PDZD2: variants seen among roughly 807,000 people sequenced by gnomAD.
The protein encoded by PDZD2 is PDZ domain-containing protein 2.
Under a neutral mutation model 220.7 loss-of-function variants are expected in PDZD2, and 90 were observed. The ratio of observed to expected loss-of-function variants is 0.41; its 90% CI spans 0.34 to 0.49. The LOEUF (loss-of-function observed/expected upper bound fraction) is 0.49. Ranked by LOEUF, PDZD2 falls within the 20% of genes least tolerant of loss-of-function variation. The pLI, the probability that PDZD2 is intolerant of heterozygous loss-of-function variation, is 0.28. For missense variants in PDZD2, 3,174 were observed against 3,608.5 expected, an observed-to-expected ratio of 0.88 and a Z score of 3.08; for synonymous variants, 1,375 against 1,450.5, an observed-to-expected ratio of 0.95 and a Z score of 1.18.
At position 31,765,089 on chromosome 5, in the gene PDZD2, A is replaced by G. The variant is rs978245823; in HGVS notation, c.-360-33800A>G. 1.8e-4 allele frequency among the ~76,000 whole-genome samples: 27 copies of G among 152,198 alleles called. No individual in the cohort carries two copies. The East Asian group carries it at 4.4e-3, about 25-fold the overall frequency. On this transcript the variant is annotated intron_variant, in intron 1 of 24. Coordinates refer to ENST00000438447, the MANE Select transcript of PDZD2 (RefSeq NM_178140.4). ...AAGACTGCGTCTCAAGAAAAAAAAA[A>G]AAAGAATTACCCAAAGGAAGAGGAC...
chr5:31,718,628 T>A (rs1489740018), intron 1 of PDZD2, among the ~76,000 whole-genome samples: 2 of 151,920 alleles, frequency 1.3e-5, no homozygotes, highest in Non-Finnish European at 2.9e-5. Context: ...TCTCTCTCTG[T>A]GTCCTAATCT....
chr5:31,810,561 A>G (rs561056161), intron 2 of PDZD2, among the ~76,000 whole-genome samples: 9 of 152,200 alleles, frequency 5.9e-5, no homozygotes, highest in East Asian at 3.9e-4. Flanking sequence ...CACCACGACC[A>G]GCCGCCTCCA....
In PDZD2 at chr5:32,101,250, A is replaced by G. The variant is rs1270355876; in HGVS notation, c.8353+11A>G. On this transcript the variant is annotated intron_variant, in intron 24 of 24. Transcript: ENST00000438447. ...AAAGAGTGTACAAAGGTAATGTTCT[A>G]GACAACTCAGTCAGCCTTCTCTCAC... The G allele has an allele frequency of 3.2e-6, 5 of 1,578,950 alleles. No individual in the cohort carries two copies. In the African/African-American group the frequency reaches 5.4e-5, roughly 17 times the overall value.
chr5:31,736,465 C>A (rs1415929224), intron 1 of PDZD2, among the ~76,000 whole-genome samples: 4 of 152,162 alleles, frequency 2.6e-5, no homozygotes, highest in African/African-American at 9.7e-5. Context: ...CTTCTTGACC[C>A]ATTTGCCCAC....
rs566679133 is a variant in PDZD2, at chr5:31,934,701, C to T, written c.477-48454C>T. ...TAGAAGCAATTTCAAAAATGTCTCA[C>T]TGTGACTGGAACTAGGTTATGTCAA... On this transcript the variant is annotated intron_variant, in intron 2 of 24. Coordinates refer to ENST00000438447, the MANE Select transcript of PDZD2 (RefSeq NM_178140.4). Among the ~76,000 whole-genome samples, 8 of 150,272 alleles carry T rather than the reference C, an allele frequency of 5.3e-5. No homozygotes were observed. In the East Asian group the frequency reaches 1.6e-3, roughly 30 times the overall value.
At chr5:31,956,606 A>T (rs539303948) in intron 2 of PDZD2, among the ~76,000 whole-genome samples, 2 of 149,674 alleles carry the variant, frequency 1.3e-5, no homozygotes, top group African/African-American at 4.9e-5. Flanking sequence ...TAAAAATACA[A>T]AAATTAGCCG....
intron 1 of PDZD2, among the ~76,000 whole-genome samples, chr5:31,694,180 C>G (rs1430451484): frequency 6.6e-6 from 1 of 152,052 alleles, no homozygotes; most frequent in Admixed American, 6.6e-5. Flanking sequence ...CACTTGAGGC[C>G]AGGAGTTCCA....
At chr5:31,856,052 A>G (rs2150305372) in intron 2 of PDZD2, among the ~76,000 whole-genome samples, 1 of 152,370 alleles carries the variant, frequency 6.6e-6, no homozygotes, top group African/African-American at 2.4e-5. Flanking sequence ...ATAAGGGGAT[A>G]TAATAAACTC....
At chr5:31,927,187 G>A (rs1220617449) in intron 2 of PDZD2, among the ~76,000 whole-genome samples, 2 of 151,908 alleles carry the variant, frequency 1.3e-5, no homozygotes, top group Non-Finnish European at 2.9e-5. Flanking sequence ...GTAACCAACC[G>A]GCATATATAC....
At chr5:31,825,546 A>G (rs1756157384) in intron 2 of PDZD2, among the ~76,000 whole-genome samples, 1 of 152,222 alleles carries the variant, frequency 6.6e-6, no homozygotes, top group South Asian at 2.1e-4. Flanking sequence ...ACAGTCGGTC[A>G]TGTTCTAATA....
intron 2 of PDZD2, among the ~76,000 whole-genome samples, chr5:31,900,063 G>A (rs1210836423): frequency 2.0e-5 from 3 of 152,206 alleles, no homozygotes; most frequent in Non-Finnish European, 2.9e-5. Flanking sequence ...ATATAGAGGC[G>A]CTGACATAAT....
chr5:31,803,859 G>T (rs1325060307), intron 2 of PDZD2, among the ~76,000 whole-genome samples: 6 of 151,924 alleles, frequency 3.9e-5, no homozygotes, highest in African/African-American at 9.7e-5. Flanking sequence ...AACATGGCAA[G>T]TCCCCATCTC....
In PDZD2 at chr5:32,028,692, T is replaced by TG. The variant is rs1223662692; in HGVS notation, c.1408-8539_1408-8538insG. Among the ~76,000 whole-genome samples the TG allele has an allele frequency of 1.9e-3, 282 of 150,194 alleles. 4 individuals carry two copies. In the East Asian group the frequency reaches 0.019, roughly 10 times the overall value. On this transcript the variant is annotated intron_variant, in intron 6 of 24. Coordinates refer to ENST00000438447, the MANE Select transcript of PDZD2 (RefSeq NM_178140.4). ...TTTTTTTTGTTTTTTTTGTTTTTTT[T>TG]TTTTTTTGAGACAGAGTCTCGCTCT...
chr5:32,093,674 C>T (rs541508970), intron 21 of PDZD2, among the ~76,000 whole-genome samples: 3 of 152,104 alleles, frequency 2.0e-5, no homozygotes, highest in South Asian at 4.1e-4. Flanking sequence ...GATAATAGAA[C>T]GTTATTAAGA....
At chr5:31,822,938 G>A in intron 2 of PDZD2, 1 of 996,674 alleles carries the variant, frequency 1.0e-6, no homozygotes, top group Non-Finnish European at 1.5e-6. Context: ...ACGGTGGCCA[G>A]CTCCTTTCTG....
chr5:31,802,946 C>T (rs1028821625), intron 2 of PDZD2, among the ~76,000 whole-genome samples: 1 of 145,236 alleles, frequency 6.9e-6, no homozygotes, highest in Admixed American at 6.9e-5. Flanking sequence ...AAAAAAGACG[C>T]GCACACATGG....
At chr5:31,674,102 A>G (rs1388547187) in intron 1 of PDZD2, among the ~76,000 whole-genome samples, 1 of 152,228 alleles carries the variant, frequency 6.6e-6, no homozygotes, top group Non-Finnish European at 1.5e-5. Flanking sequence ...CCCAGCCTCC[A>G]GAACCATGAG....
intron 8 of PDZD2, among the ~76,000 whole-genome samples, chr5:32,049,274 TAGAA>T (rs1371500094): frequency 6.6e-6 from 1 of 152,160 alleles, no homozygotes; most frequent in Non-Finnish European, 1.5e-5. Flanking sequence ...CTCAACCTGG[TAGAA>T]ACCGGTCAGG....
chr5:32,013,804 C>A (rs113099896), intron 6 of PDZD2, among the ~76,000 whole-genome samples: 4 of 152,330 alleles, frequency 2.6e-5, no homozygotes, highest in Non-Finnish European at 5.9e-5. Flanking sequence ...CTGCTCCACC[C>A]CCATCACAAG....
Sources: allele counts gnomAD v4.1 joint callset (sites outside exome capture counted in the v4.1 genomes callset), GRCh38; gene constraint gnomAD v4.1.1; transcripts MANE v1.5; gene names NCBI Gene and HGNC (gene_info 2026-07-23, HGNC 2026-07-21).